USH2A: variants seen among roughly 807,000 people sequenced by gnomAD.
USH2A encodes the protein Usher syndrome 2A (autosomal recessive, mild).
A neutral mutation model predicts 538.9 loss-of-function variants in USH2A; 443 were observed. The ratio of observed to expected loss-of-function variants is 0.82; its 90% CI spans 0.76 to 0.89. USH2A has a LOEUF of 0.89. Among genes scored for constraint, USH2A ranks in the 40% least tolerant of loss-of-function variants. The pLI is 0.00. For synonymous variants in USH2A, 2,413 were observed against 2,273.5 expected (o/e 1.06, Z -1.75); for missense variants, 6,633 against 6,324.8 (o/e 1.05, Z -1.65).
chr1:216,044,514 A>G (rs2030428695), intron 32 of USH2A, among the ~76,000 whole-genome samples: 1 of 152,136 alleles, frequency 6.6e-6, no homozygotes, highest in Non-Finnish European at 1.5e-5. Context: ...ATACTGTTGG[A>G]GTAAGATTAA....
chr1:215,677,278 T>C (rs1002026330), intron 62 of USH2A, among the ~76,000 whole-genome samples: 7 of 152,162 alleles, frequency 4.6e-5, no homozygotes, highest in Non-Finnish European at 1.0e-4. Context: ...CCCCAAGACT[T>C]CACTACTGCC....
At chr1:216,407,741 T>C (rs1049898054) in intron 3 of USH2A, among the ~76,000 whole-genome samples, 3 of 152,154 alleles carry the variant, frequency 2.0e-5, no homozygotes, top group African/African-American at 7.2e-5. Flanking sequence ...GGCACAAAAA[T>C]GACTATCCAC....
intron 3 of USH2A, among the ~76,000 whole-genome samples, chr1:216,390,825 G>T (rs2039094883): frequency 6.6e-6 from 1 of 152,006 alleles, no homozygotes; most frequent in Admixed American, 6.6e-5. Context: ...TGTTGCAATT[G>T]CTCATCAATA....
At chr1:216,110,763 G>T (rs1036242523) in intron 21 of USH2A, among the ~76,000 whole-genome samples, 1 of 152,192 alleles carries the variant, frequency 6.6e-6, no homozygotes, top group Non-Finnish European at 1.5e-5. Flanking sequence ...GGTTAAGCAG[G>T]ACTGTGAAGA....
intron 4 of USH2A, among the ~76,000 whole-genome samples, chr1:216,354,454 A>G (rs955888484): frequency 6.6e-6 from 1 of 152,190 alleles, no homozygotes; most frequent in African/African-American, 2.4e-5. Context: ...ATTTGAAAAT[A>G]CCTATAATAT....
At chr1:216,210,488 T>C (rs1286277475) in intron 15 of USH2A, among the ~76,000 whole-genome samples, 1 of 152,106 alleles carries the variant, frequency 6.6e-6, no homozygotes, top group Non-Finnish European at 1.5e-5. Flanking sequence ...TATGAAGGGC[T>C]GAAGCAGCTC....
intron 47 of USH2A, among the ~76,000 whole-genome samples, chr1:215,825,436 T>G (rs1196659952): frequency 6.6e-6 from 1 of 152,052 alleles, no homozygotes; most frequent in Non-Finnish European, 1.5e-5. Flanking sequence ...TCACTTACCT[T>G]TACACAGGTG....
At position 216,207,431 on chromosome 1, in the gene USH2A, G is replaced by T. The variant is rs1463169820; in HGVS notation, c.3158C>A (p.Thr1053Asn). The T allele has an allele frequency of 2.9e-5, 46 of 1,613,814 alleles. No individual in the cohort carries two copies. Among genetic ancestry groups the T allele is most frequent in the Non-Finnish European group, 3.8e-5 (45 of 1,179,924 alleles). ...TCTGGGCGGAGGTTGCTGGAATGGA[G>T]CTAAATTACAATGAAGAGAGCATTT... ...DVNNLLGCSK[T>N]PFQQPPPRGQ... is the part of the protein sequence containing the mutation. The change falls in exon 16 of 72, where the codon ACT becomes AAT. Residue 1053 changes from threonine (T) to asparagine (N), a missense_variant and splice_region_variant. Thr to Asn is a moderately conservative substitution (Grantham distance 65, BLOSUM62 0). Transcript: ENST00000307340.
chr1:215,885,355 A>C (rs1263432502), intron 41 of USH2A, among the ~76,000 whole-genome samples: 2 of 152,146 alleles, frequency 1.3e-5, no homozygotes, highest in African/African-American at 2.4e-5. Context: ...TCATTCTTTT[A>C]ATATACTGCT....
In USH2A at chr1:216,045,641, G is replaced by A. The variant is rs1431510588; in HGVS notation, c.6325+790C>T. Among the ~76,000 whole-genome samples the A allele has an allele frequency of 3.3e-5, 5 of 152,314 alleles. No individual in the cohort carries two copies. The East Asian group carries it at 9.6e-4, about 29-fold the overall frequency. ...TGATCCAACTGGACACTGTGAGCCT[G>A]ACTGGGAAAACACTGGCTCCCAATT... On this transcript the variant is annotated intron_variant, in intron 32 of 71. Transcript: ENST00000307340.
chr1:216,172,645 T>C (rs1224401484), intron 21 of USH2A, among the ~76,000 whole-genome samples: 1 of 152,088 alleles, frequency 6.6e-6, no homozygotes, highest in Non-Finnish European at 1.5e-5. Flanking sequence ...ATTTTAAACA[T>C]CTAGCTTCTA....
intron 11 of USH2A, among the ~76,000 whole-genome samples, chr1:216,282,981 G>T (rs758247679): frequency 2.0e-5 from 3 of 152,070 alleles, no homozygotes; most frequent in East Asian, 3.9e-4. Context: ...TTTAAAAGAC[G>T]TTTTCTTAAT....
intron 4 of USH2A, among the ~76,000 whole-genome samples, chr1:216,340,536 C>CAAAAA (rs58985032): frequency 2.5e-5 from 3 of 119,902 alleles, no homozygotes; most frequent in East Asian, 2.7e-4. Context: ...AGAGACATGA[C>CAAAAA]AAAAAAAAAA....
intron 37 of USH2A, among the ~76,000 whole-genome samples, chr1:215,953,247 C>T (rs952643641): frequency 9.9e-5 from 15 of 152,050 alleles, no homozygotes; most frequent in Non-Finnish European, 7.4e-5. Context: ...AAAAAGAGCC[C>T]GCATTGCCAA....
intron 44 of USH2A, among the ~76,000 whole-genome samples, chr1:215,851,551 C>T (rs910837423): frequency 3.6e-4 from 54 of 151,986 alleles, no homozygotes; most frequent in African/African-American, 1.3e-3. Context: ...GTAATTATAA[C>T]GTTACCAACA....
chr1:215,998,787 T>A (rs1032250481), intron 34 of USH2A, 100 bp downstream of exon 34: 977 of 333,014 alleles, frequency 2.9e-3, no homozygotes, highest in South Asian at 3.8e-3. Flanking sequence ...AGATTTTGAC[T>A]TTTTTTTTTT....
chr1:215,906,971 G>T (rs1467378619), intron 38 of USH2A, among the ~76,000 whole-genome samples: 4 of 151,828 alleles, frequency 2.6e-5, no homozygotes, highest in African/African-American at 9.7e-5. Flanking sequence ...TCCTTACCTA[G>T]AACATCCCAG....
intron 4 of USH2A, among the ~76,000 whole-genome samples, chr1:216,328,488 A>C (rs1354669790): frequency 6.6e-6 from 1 of 152,124 alleles, no homozygotes; most frequent in Non-Finnish European, 1.5e-5. Context: ...TTATTTCAAT[A>C]ATTGTTTATT....
At chr1:216,377,882 AG>A (rs2038864678) in intron 3 of USH2A, among the ~76,000 whole-genome samples, 2 of 150,148 alleles carry the variant, frequency 1.3e-5, no homozygotes, top group African/African-American at 4.9e-5. Context: ...AAAGAAAGAA[AG>A]GAAGGAAGGA....
Sources: gnomAD v4.1 joint callset for allele counts (sites outside exome capture counted in the v4.1 genomes callset) on GRCh38, gnomAD v4.1.1 for gene constraint, MANE v1.5 for transcripts, NCBI Gene and HGNC (gene_info 2026-07-23, HGNC 2026-07-21) for gene names.